Variants in EMC3 observed in about 807,000 individuals in gnomAD.
EMC3 encodes the protein ER membrane protein complex subunit 3, also known as 30 kDa protein.
Under a neutral mutation model 36.6 loss-of-function variants are expected in EMC3, and 13 were observed. That is an observed-to-expected ratio of 0.35 (90% confidence interval 0.23 to 0.56). The LOEUF (loss-of-function observed/expected upper bound fraction) is 0.56. EMC3 is among the 20% of genes least tolerant of loss of function. EMC3 has a pLI of 0.84. For missense variants in EMC3, 220 were observed against 324.5 expected, an observed-to-expected ratio of 0.68 and a Z score of 2.47; for synonymous variants, 120 against 111.9, an observed-to-expected ratio of 1.07 and a Z score of -0.46.
intron 1 of EMC3, among the ~76,000 whole-genome samples, chr3:9,994,689 G>C (rs984111453): frequency 6.6e-6 from 1 of 152,002 alleles, no homozygotes; most frequent in Non-Finnish European, 1.5e-5. Context: ...TCCTGTCTCA[G>C]CCTCCTGAGT....
rs1448350735 is a variant in EMC3, at chr3:9,963,450, G to GATATATAT, written c.*618_*619insATATATAT. The GATATATAT allele has an allele frequency of 9.3e-4, 72 of 77,618 alleles. No individual in the cohort carries two copies. Among genetic ancestry groups the GATATATAT allele is most frequent in the African/African-American group, 2.7e-3 (40 of 14,614 alleles). The allele number at this position is 77,618 out of a possible 1,614,324, so 4.8% of individuals were successfully genotyped here. ...CCTTCGAAGACTGGGCTTCTGCTAA[G>GATATATAT]ATAGATATATATATATATATATATA... is the stretch of plus-strand genomic sequence containing the variant. On this transcript the variant is annotated 3_prime_UTR_variant, in exon 8 of 8. Transcript: ENST00000245046.
upstream of EMC3, chr3:9,988,277 C>A: frequency 3.0e-6 from 2 of 660,998 alleles, no homozygotes; most frequent in South Asian, 3.2e-5. Context: ...TTGTCATTTA[C>A]TCCAGGGTAC....
chr3:9,970,524 T>C (rs908442847), intron 6 of EMC3, 58 bp downstream of exon 6: 17 of 1,564,648 alleles, frequency 1.1e-5, no homozygotes, highest in Non-Finnish European at 1.5e-5. Context: ...TTTCTGGCTC[T>C]AATATGGATG....
intron 1 of EMC3, among the ~76,000 whole-genome samples, chr3:9,980,231 C>T (rs568492834): frequency 6.6e-6 from 1 of 152,098 alleles, no homozygotes; most frequent in East Asian, 1.9e-4. Flanking sequence ...CCAGGCTGGT[C>T]TCGAATTCCT....
At chr3:9,991,659 C>T (rs2086053877), upstream of EMC3, among the ~76,000 whole-genome samples, 1 of 152,132 alleles carries the variant, frequency 6.6e-6, no homozygotes, top group African/African-American at 2.4e-5. Flanking sequence ...GGATTATAGG[C>T]ATGAGCCTTC....
chr3:10,007,594 G>T, intron 1 of EMC3: 1 of 1,367,596 alleles, frequency 7.3e-7, no homozygotes, highest in Non-Finnish European at 9.8e-7. Context: ...GGTGTCAGGG[G>T]AGGGTTGATG....
chr3:9,996,440 ATC>A (rs1427904976), intron 1 of EMC3, among the ~76,000 whole-genome samples: 1 of 152,154 alleles, frequency 6.6e-6, no homozygotes, highest in Non-Finnish European at 1.5e-5. Flanking sequence ...GTGAGACTCT[ATC>A]TCAAAAATAG....
At chr3:9,974,129 T>C (rs924850086) in intron 4 of EMC3, among the ~76,000 whole-genome samples, 1 of 152,218 alleles carries the variant, frequency 6.6e-6, no homozygotes, top group Non-Finnish European at 1.5e-5. Context: ...TTTATCCTGC[T>C]CAACGAGAAT....
At chr3:9,980,945 A>G (rs2085904746) in intron 1 of EMC3, among the ~76,000 whole-genome samples, 1 of 152,112 alleles carries the variant, frequency 6.6e-6, no homozygotes, top group South Asian at 2.1e-4. Context: ...CTGTAATCTC[A>G]ATACTTTGGG....
Position 9,978,842 on chromosome 3 carries a change from A to AC in EMC3, c.156-1397_156-1396insG, listed in dbSNP as rs1414591154. Among the ~76,000 whole-genome samples the AC allele has an allele frequency of 2.0e-4, 28 of 142,834 alleles. 1 individual carries two copies. The East Asian group carries it at 5.0e-3, about 25-fold the overall frequency. 93.7% of individuals were successfully genotyped at this position (142,834 alleles called of 152,430 possible). On this transcript the variant is annotated intron_variant, in intron 1 of 7. Transcript: ENST00000245046. The stretch of plus-strand genomic sequence containing the variant: ...CCATCTCAAAAAAACAACAACAACA[A>AC]AAAACAAACAAACAAACAAAAAAAC...
At chr3:9,991,402 C>T (rs541216197), upstream of EMC3, among the ~76,000 whole-genome samples, 9 of 152,272 alleles carry the variant, frequency 5.9e-5, no homozygotes, top group East Asian at 1.2e-3. Context: ...CAAATTTTTT[C>T]TCTTCATATA....
chr3:9,966,757 T>A (rs2085740044), intron 7 of EMC3, among the ~76,000 whole-genome samples: 1 of 151,936 alleles, frequency 6.6e-6, no homozygotes, highest in African/African-American at 2.4e-5. Context: ...GTATTTTTAG[T>A]GGAGATGGCA....
intron 3 of EMC3, among the ~76,000 whole-genome samples, chr3:9,975,207 C>T (rs2085834105): frequency 6.6e-6 from 1 of 152,152 alleles, no homozygotes; most frequent in African/African-American, 2.4e-5. Flanking sequence ...GGTGTGGTCA[C>T]ACCAATCACT....
At chr3:9,990,914 C>T (rs975026713), upstream of EMC3, among the ~76,000 whole-genome samples, 22 of 151,938 alleles carry the variant, frequency 1.4e-4, no homozygotes, top group African/African-American at 4.6e-4. Context: ...CTGCAAGCTC[C>T]GCCTCCCGGG....
chr3:9,977,473 ATTTT>A, intron 1 of EMC3, 27 bp from the exon 2 acceptor site: 1 of 1,603,854 alleles, frequency 6.2e-7, no homozygotes, highest in Non-Finnish European at 8.5e-7. Context: ...ACACAATGAG[ATTTT>A]AAAAAGTGAA....
chr3:9,987,327 T>G (rs1476252047), upstream of EMC3: 3 of 985,594 alleles, frequency 3.0e-6, no homozygotes, highest in Admixed American at 6.1e-5. Flanking sequence ...CCTAATCTCT[T>G]AAGTCCGGGC....
chr3:9,963,915 TA>T lies in EMC3; in HGVS notation c.*153del. The T allele has an allele frequency of 7.7e-7, 1 of 1,297,624 alleles. No homozygotes were observed. The highest frequency in any genetic ancestry group is 1.1e-6 in the Non-Finnish European group (1 of 943,540). The allele number at this position is 1,297,624 out of a possible 1,614,324, so 80.4% of individuals were successfully genotyped here. A position where few individuals can be genotyped will look rare whatever the true frequency, so the allele number is the denominator to read the frequency against. On this transcript the variant is annotated 3_prime_UTR_variant, in exon 8 of 8. Coordinates refer to ENST00000245046, the MANE Select transcript of EMC3 (RefSeq NM_001394674.1). The stretch of plus-strand genomic sequence containing the variant: ...CTCCTATTTCCTCTAGTTTCAAACA[TA>T]AAGGGGAACCCAGCCCAGACAAGAA...
intron 1 of EMC3, among the ~76,000 whole-genome samples, chr3:9,985,479 T>C (rs1346485306): frequency 2.0e-5 from 3 of 152,216 alleles, no homozygotes; most frequent in Non-Finnish European, 4.4e-5. Context: ...CAGGCTGGTC[T>C]CCCACAATCC....
At chr3:10,003,100 G>T (rs574928736) in intron 1 of EMC3, 200 of 456,416 alleles carry the variant, frequency 4.4e-4, no homozygotes, top group African/African-American at 3.7e-3. Flanking sequence ...CAGCAGCAGT[G>T]GTGCAGACCC....
Sources: gnomAD v4.1 joint callset for allele counts (sites outside exome capture counted in the v4.1 genomes callset) on GRCh38, gnomAD v4.1.1 for gene constraint, MANE v1.5 for transcripts, NCBI Gene and HGNC (gene_info 2026-07-23, HGNC 2026-07-21) for gene names.